The following SPRY3 variants were observed in gnomAD, a reference collection of about 807,000 sequenced individuals.
The protein encoded by SPRY3 is protein sprouty homolog 3.
Under a neutral mutation model 20.2 loss-of-function variants are expected in SPRY3, and 15 were observed. The ratio of observed to expected loss-of-function variants is 0.74; its 90% CI spans 0.50 to 1.14. SPRY3 has a LOEUF of 1.14. Among genes scored for constraint, SPRY3 ranks in the 50% most tolerant of loss-of-function variants. The pLI is 0.00. For synonymous variants in SPRY3, 143 were observed against 136.5 expected, an observed-to-expected ratio of 1.05 and a Z score of -0.33; for missense variants, 364 against 363.9, an observed-to-expected ratio of 1.00 and a Z score of 0.00.
At chrX:155,627,097 C>A (rs1210300050) in intron 1 of SPRY3, among the ~76,000 whole-genome samples, 1 of 111,390 alleles carries the variant, frequency 9.0e-6, no homozygotes, top group African/African-American at 3.3e-5. Flanking sequence ...GAGAATGCAA[C>A]ATCCAATCTC....
intron 2 of SPRY3, among the ~76,000 whole-genome samples, chrX:155,714,129 T>G (rs1270027499): frequency 6.6e-6 from 1 of 152,330 alleles, no homozygotes; most frequent in East Asian, 1.9e-4. Context: ...TCTTTGAGTT[T>G]CCTTAAAACA....
At chrX:155,649,991 A>G (rs1603121333) in intron 1 of SPRY3, among the ~76,000 whole-genome samples, 1 of 111,784 alleles carries the variant, frequency 8.9e-6, no homozygotes, top group African/African-American at 3.3e-5. Flanking sequence ...CCAAATCATG[A>G]GTGAACTCCC....
At chrX:155,697,522 C>CACACACACACAT (rs750002413) in intron 2 of SPRY3, among the ~76,000 whole-genome samples, 20 of 99,345 alleles carry the variant, frequency 2.0e-4, no homozygotes, top group African/African-American at 7.0e-4. Flanking sequence ...CACACACACA[C>CACACACACACAT]ATATATATAT....
At chrX:155,671,642 T>C (rs1374851304) in intron 2 of SPRY3, among the ~76,000 whole-genome samples, 1 of 111,392 alleles carries the variant, frequency 9.0e-6, no homozygotes, top group Non-Finnish European at 1.9e-5. Flanking sequence ...CTGTTAGGCA[T>C]CAGAATGCAA....
At chrX:155,625,622 A>G (rs1242991770) in intron 1 of SPRY3, among the ~76,000 whole-genome samples, 1 of 111,153 alleles carries the variant, frequency 9.0e-6, no homozygotes, top group Non-Finnish European at 1.9e-5. Context: ...TTGTTGAGAT[A>G]TAATTCACTT....
intron 2 of SPRY3, among the ~76,000 whole-genome samples, chrX:155,659,104 C>CTTCTTTCTTTCTTTCTTTCTTTCTTTCT (rs199567564): frequency 3.6e-5 from 3 of 83,926 alleles, no homozygotes; most frequent in East Asian, 4.0e-4. Flanking sequence ...TTTTTTCTTT[C>CTTCTTTCTTTCTTTCTTTCTTTCTTTCT]TTCTTTCTTT....
intron 1 of SPRY3, among the ~76,000 whole-genome samples, chrX:155,621,601 A>G (rs782267844): frequency 8.9e-6 from 1 of 111,870 alleles, no homozygotes; most frequent in Non-Finnish European, 1.9e-5. Context: ...CAACAGGAAA[A>G]AATGTGTCTT....
intron 2 of SPRY3, among the ~76,000 whole-genome samples, chrX:155,691,716 C>T (rs1250871482): frequency 1.1e-5 from 1 of 87,502 alleles, no homozygotes; most frequent in Non-Finnish European, 2.1e-5. Context: ...TACAAGCATA[C>T]AACTGCAATA....
At chrX:155,722,974 G>A (rs1431548723) in intron 2 of SPRY3, among the ~76,000 whole-genome samples, 6 of 91,512 alleles carry the variant, frequency 6.6e-5, no homozygotes, top group East Asian at 6.6e-4. Flanking sequence ...GATGCTCCCC[G>A]CCCTGTGTCC....
In SPRY3 at chrX:155,635,350, T is replaced by G. The variant is rs782144447; in HGVS notation, c.-440-21517T>G. Among the ~76,000 whole-genome samples, 3 of 111,479 alleles carry G rather than the reference T, an allele frequency of 2.7e-5. No homozygotes were observed. In the East Asian group the frequency reaches 8.5e-4, roughly 32 times the overall value. The stretch of plus-strand genomic sequence containing the variant: ...TGAACAGTGCCACAATAGACATACA[T>G]GTGCATGTGTCTTTATAGTAGAATG... On this transcript the variant is annotated intron_variant, in intron 1 of 3. Coordinates refer to ENST00000675360, the Ensembl canonical transcript of SPRY3.
Position 155,711,562 on chromosome X carries a change from G to A in SPRY3, c.-282+54537G>A, listed in dbSNP as rs1263904195. Reference sequence around the variant, plus strand: ...TCTCTCTTTTTTCTTATTTAGTCTGGCTAAAAGTTTGTGAATTTTGTTTAC... The same window carrying A: ...TCTCTCTTTTTTCTTATTTAGTCTGACTAAAAGTTTGTGAATTTTGTTTAC... On this transcript the variant is annotated intron_variant, in intron 2 of 3. Coordinates refer to ENST00000675360, the Ensembl canonical transcript of SPRY3. 2.6e-5 allele frequency among the ~76,000 whole-genome samples: 4 copies of A among 151,182 alleles called. No individual in the cohort carries two copies. In the East Asian group the frequency reaches 5.8e-4, roughly 22 times the overall value.
At chrX:155,774,015 C>A (rs1323500198) in exon 4 of SPRY3, 3 of 1,613,832 alleles carry the variant, frequency 1.9e-6, no homozygotes, top group Non-Finnish European at 2.5e-6. Context: ...TTGTGCAAAC[C>A]CACAAGTCTG....
At chrX:155,638,645 C>T (rs2067932189) in intron 1 of SPRY3, among the ~76,000 whole-genome samples, 1 of 109,915 alleles carries the variant, frequency 9.1e-6, no homozygotes, top group African/African-American at 3.3e-5. Context: ...TGTCAAGTCG[C>T]AAAATAAATC....
intron 2 of SPRY3, among the ~76,000 whole-genome samples, chrX:155,713,621 C>T (rs759671813): frequency 5.3e-5 from 8 of 152,196 alleles, no homozygotes; most frequent in African/African-American, 1.9e-4. Context: ...TGCATTTAGG[C>T]TCCTTTCTTT....
chrX:155,624,529 TA>T (rs1557349770), intron 1 of SPRY3, among the ~76,000 whole-genome samples: 1 of 108,266 alleles, frequency 9.2e-6, no homozygotes, highest in African/African-American at 3.4e-5. Flanking sequence ...TCTATCTATC[TA>T]TCTATCTATC....
At chrX:155,716,981 AATATAT>A (rs749530944) in intron 2 of SPRY3, among the ~76,000 whole-genome samples, 59 of 63,478 alleles carry the variant, frequency 9.3e-4, no homozygotes, top group Middle Eastern at 7.9e-3. Flanking sequence ...TAAAATACAA[AATATAT>A]ATATATATAT....
At chrX:155,708,483 A>G (rs1173603462) in intron 2 of SPRY3, among the ~76,000 whole-genome samples, 4 of 151,322 alleles carry the variant, frequency 2.6e-5, no homozygotes, top group African/African-American at 9.7e-5. Context: ...GGATGTGTCC[A>G]GGTGTGGCTG....
At chrX:155,654,295 G>A (rs2067985378) in intron 1 of SPRY3, among the ~76,000 whole-genome samples, 1 of 111,332 alleles carries the variant, frequency 9.0e-6, no homozygotes, top group African/African-American at 3.3e-5. Context: ...TACCATATTT[G>A]GTAACTATTT....
At chrX:155,757,575 A>T (rs1312082765) in intron 2 of SPRY3, among the ~76,000 whole-genome samples, 1 of 152,118 alleles carries the variant, frequency 6.6e-6, no homozygotes, top group African/African-American at 2.4e-5. Flanking sequence ...CACCCCAGGC[A>T]AGGAGAATAA....
Sources: gnomAD v4.1 joint callset for allele counts (sites outside exome capture counted in the v4.1 genomes callset) on GRCh38, gnomAD v4.1.1 for gene constraint, MANE v1.5 for transcripts, NCBI Gene and HGNC (gene_info 2026-07-23, HGNC 2026-07-21) for gene names.